MTHFD1: variants seen among roughly 807,000 people sequenced by gnomAD.
The protein encoded by MTHFD1 is C-1-tetrahydrofolate synthase, cytoplasmic.
In MTHFD1, 44 loss-of-function variants were observed where a neutral mutation model predicts 110.3. The observed-to-expected ratio is 0.40, with a 90% CI of 0.31 to 0.51. MTHFD1 has a LOEUF of 0.51. Among genes scored for constraint, MTHFD1 ranks in the 20% least tolerant of loss-of-function variants. The probability of loss-of-function intolerance (pLI) is 0.60; values close to 1 mark genes in which losing one functional copy is unlikely to be tolerated. For synonymous variants in MTHFD1, 402 were observed against 428.8 expected (o/e 0.94, Z 0.77); for missense variants, 909 against 1,173.1 (o/e 0.77, Z 3.29).
intron 12 of MTHFD1, among the ~76,000 whole-genome samples, chr14:64,429,006 C>A (rs1343379755): frequency 6.6e-6 from 1 of 151,932 alleles, no homozygotes; most frequent in East Asian, 1.9e-4. Context: ...ACTGCACGGT[C>A]TCTGCCTCAC....
In MTHFD1 at chr14:64,431,650, A is replaced by G. The variant is rs1019609523; in HGVS notation, c.1419+11A>G. 1.2e-5 allele frequency: 20 copies of G among 1,612,634 alleles called. No individual in the cohort carries two copies. The highest frequency in any genetic ancestry group is 1.7e-5 in the Non-Finnish European group (20 of 1,178,618). On this transcript the variant is annotated intron_variant, in intron 14 of 27. Transcript: ENST00000652337. Reference sequence around the variant, plus strand: ...ACCCAGACAGACAAGGTAGGATGCCAAAGCCCCATGAACCCCATTGAACAG... The same window carrying G: ...ACCCAGACAGACAAGGTAGGATGCCGAAGCCCCATGAACCCCATTGAACAG...
In MTHFD1 at chr14:64,417,881, C is replaced by T; in HGVS notation, c.479-7C>T. 1 of 1,612,382 alleles carries T rather than the reference C, an allele frequency of 6.2e-7. No individual in the cohort carries two copies. The highest frequency in any genetic ancestry group is 8.5e-7 in the Non-Finnish European group (1 of 1,179,922). ...CCAACTCTGATGCAGGCTGGCTTTT[C>T]TTTCAGGGGTGCCGATTGCCGGAAG... On this transcript the variant is annotated splice_region_variant and splice_polypyrimidine_tract_variant and intron_variant, in intron 6 of 27. Transcript: ENST00000652337. The surrounding 1 kb of genome is among the most constrained non-coding windows in gnomAD (Gnocchi z 4.4).
At chr14:64,449,765 C>T (rs969398443) in intron 24 of MTHFD1, 143 bp downstream of exon 24, 5 of 913,334 alleles carry the variant, frequency 5.5e-6, no homozygotes, top group Admixed American at 4.0e-5. Context: ...TACACAACCA[C>T]AGCCTGGACT....
rs2140953124 is a variant in MTHFD1 at position 64,411,447 on chromosome 14, G to T, written c.186+298G>T. On this transcript the variant is annotated intron_variant, in intron 3 of 27. Transcript: ENST00000652337. ...GCCAAAATTAAGGACACACCTGGGA[G>T]ACAGGTCTATACCTTTCTCCGAAGA... is the stretch of plus-strand genomic sequence containing the variant. Among the ~76,000 whole-genome samples the T allele has an allele frequency of 1.3e-5, 2 of 152,282 alleles. 1 individual carries two copies. The highest frequency in any genetic ancestry group is 4.1e-4 in the South Asian group (2 of 4,832).
At position 64,419,845 on chromosome 14, in the gene MTHFD1, C is replaced by G. The variant is rs768200873; in HGVS notation, c.647C>G (p.Thr216Ser). The G allele has an allele frequency of 5.6e-6, 9 of 1,613,868 alleles. No homozygotes were observed. Among genetic ancestry groups the G allele is most frequent in the African/African-American group, 5.3e-5 (4 of 74,886 alleles). Residue 216 changes from threonine (T) to serine (S), a missense_variant, in exon 8 of 28, where the codon ACT (threonine) becomes AGT (serine). Thr to Ser is a moderately conservative substitution (Grantham distance 58). This residue lies in a region of MTHFD1 where 424 missense variants were observed against 510.4 expected (regional missense o/e 0.83). Transcript: ENST00000652337. ...AAAGGTGACATCCTGGTGGTTGCAACTGGTCAGCCTGAAATGGTTAAAGGG... is the reference window on the plus strand; with the variant it reads ...AAAGGTGACATCCTGGTGGTTGCAAGTGGTCAGCCTGAAATGGTTAAAGGG... Reference protein sequence around the residue: ...VNKGDILVVATGQPEMVKGEW... With the variant: ...VNKGDILVVASGQPEMVKGEW...
At chr14:64,449,728 T>C in intron 24 of MTHFD1, 106 bp downstream of exon 24, 1 of 1,348,120 alleles carries the variant, frequency 7.4e-7, no homozygotes, top group Non-Finnish European at 1.0e-6. Context: ...GCTTCAGCCT[T>C]GCGGTTTGAT....
At chr14:64,429,426 G>A (rs1415638407) in intron 12 of MTHFD1, among the ~76,000 whole-genome samples, 1 of 151,704 alleles carries the variant, frequency 6.6e-6, no homozygotes, top group African/African-American at 2.4e-5. Flanking sequence ...GATCTCCCAG[G>A]CTAGGACTAT....
intron 25 of MTHFD1, 120 bp from the exon 26 acceptor site, chr14:64,454,603 T>C (rs950169946): frequency 1.0e-5 from 8 of 799,736 alleles, no homozygotes; most frequent in Middle Eastern, 3.4e-4. Flanking sequence ...TAGAGATGTA[T>C]ATAAAGGGAG....
intron 6 of MTHFD1, among the ~76,000 whole-genome samples, chr14:64,416,405 G>T (rs183828304): frequency 6.6e-6 from 1 of 152,114 alleles, no homozygotes; most frequent in Non-Finnish European, 1.5e-5. Context: ...AGTTTAAAAG[G>T]ATATGAAGTG....
intron 27 of MTHFD1, 26 bp from the exon 28 acceptor site, chr14:64,459,733 C>T (rs979319675): frequency 6.6e-7 from 1 of 1,520,332 alleles, no homozygotes; most frequent in African/African-American, 1.4e-5. Flanking sequence ...TTAGAGAAAA[C>T]ATTTATTTCT....
intron 2 of MTHFD1, among the ~76,000 whole-genome samples, chr14:64,402,099 C>T (rs2077902099): frequency 6.6e-6 from 1 of 152,152 alleles, no homozygotes; most frequent in Non-Finnish European, 1.5e-5. Context: ...AGATTAGTTG[C>T]AATGTAGAAT....
At position 64,411,167 on chromosome 14, in the gene MTHFD1, G is replaced by C. The variant is rs754952437; in HGVS notation, c.186+18G>C. 4.0e-5 allele frequency: 65 copies of C among 1,605,772 alleles called. No individual in the cohort carries two copies. Among genetic ancestry groups the C allele is most frequent in the Non-Finnish European group, 5.5e-5 (65 of 1,174,144 alleles). ...CTGAAGAGGTAACGCCAGAAGAGCT[G>C]TGCCATCACCCTCCCCAACCTCCAC... On this transcript the variant is annotated intron_variant, in intron 3 of 27. Coordinates refer to ENST00000652337, the MANE Select transcript of MTHFD1 (RefSeq NM_005956.4).
intron 15 of MTHFD1, among the ~76,000 whole-genome samples, chr14:64,433,334 G>T (rs1417432661): frequency 1.3e-5 from 2 of 151,994 alleles, no homozygotes; most frequent in East Asian, 3.9e-4. Context: ...GGCCAGGCTG[G>T]TCTCGAACTC....
intron 1 of MTHFD1, among the ~76,000 whole-genome samples, chr14:64,393,588 C>T (rs1343339331): frequency 6.6e-6 from 1 of 152,116 alleles, no homozygotes; most frequent in African/African-American, 2.4e-5. Flanking sequence ...GGGCAGGTTG[C>T]AGCGATAGTG....
intron 24 of MTHFD1, among the ~76,000 whole-genome samples, chr14:64,453,428 G>A (rs191417040): frequency 2.0e-3 from 297 of 152,046 alleles, no homozygotes; most frequent in African/African-American, 6.8e-3. Context: ...AGAATTAGCC[G>A]GGCTTGGTTG....
chr14:64,450,961 A>G (rs948833972), intron 24 of MTHFD1, among the ~76,000 whole-genome samples: 1 of 152,148 alleles, frequency 6.6e-6, no homozygotes, highest in African/African-American at 2.4e-5. Context: ...TAAGGTCAAG[A>G]GTTGGAGACC....
At chr14:64,388,642 A>C (rs1390292078) in intron 1 of MTHFD1, 174 bp downstream of exon 1, 2 of 704,810 alleles carry the variant, frequency 2.8e-6, no homozygotes, top group South Asian at 3.1e-5. Context: ...CTGCGTTTGC[A>C]AGTGGACTGC....
rs2078230849 is a variant in MTHFD1, at chr14:64,439,371, G to A, written c.1674+199G>A. 1.5e-5 allele frequency: 9 copies of A among 599,984 alleles called. No homozygotes were observed. The Admixed American group carries it at 1.9e-4, about 13-fold the overall frequency. The allele number at this position is 599,984 out of a possible 1,614,324, so 37.2% of individuals were successfully genotyped here. On this transcript the variant is annotated intron_variant, in intron 17 of 27. Coordinates refer to ENST00000652337, the MANE Select transcript of MTHFD1 (RefSeq NM_005956.4). ...AATAAATCCCATGTGTCACCTGTGT[G>A]TTTTTCCCCCGGCATTTTTTCCTGG...
intron 27 of MTHFD1, 87 bp downstream of exon 27, chr14:64,458,394 TCA>T (rs1596573965): frequency 1.1e-6 from 1 of 913,506 alleles, no homozygotes; most frequent in East Asian, 2.4e-5. Context: ...CTATAAAAAT[TCA>T]CATTCTAATG....
Sources: allele counts gnomAD v4.1 joint callset (sites outside exome capture counted in the v4.1 genomes callset), GRCh38; gene constraint gnomAD v4.1.1; regional missense constraint gnomAD v4.1.1; non-coding constraint Gnocchi (gnomAD v3.1); transcripts MANE v1.5; gene names NCBI Gene and HGNC (gene_info 2026-07-23, HGNC 2026-07-21).